TVP23C: variants seen among roughly 807,000 people sequenced by gnomAD.
The protein encoded by TVP23C is Golgi apparatus membrane protein TVP23 homolog C.
A neutral mutation model predicts 28.7 loss-of-function variants in TVP23C; 19 were observed. The ratio of observed to expected loss-of-function variants is 0.66; its 90% CI spans 0.46 to 0.97. TVP23C has a LOEUF of 0.97. TVP23C is among the 50% of genes least tolerant of loss of function. The pLI is 0.00. For missense variants in TVP23C, 186 were observed against 241.3 expected (o/e 0.77, Z 1.52); for synonymous variants, 68 against 81.7 (o/e 0.83, Z 0.90).
intron 5 of TVP23C, among the ~76,000 whole-genome samples, chr17:15,522,978 C>T (rs1254334556): frequency 6.6e-6 from 1 of 152,090 alleles, no homozygotes; most frequent in African/African-American, 2.4e-5. Context: ...AAAAAACTCC[C>T]TAAACAATGT....
At chr17:15,529,884 C>T (rs1483608749) in intron 5 of TVP23C, among the ~76,000 whole-genome samples, 3 of 152,006 alleles carry the variant, frequency 2.0e-5, no homozygotes, top group Admixed American at 6.6e-5. Context: ...CTGCAACCTC[C>T]GCCTCCTGGG....
chr17:15,503,907 G>A (rs1325290265), intron 5 of TVP23C, among the ~76,000 whole-genome samples: 1 of 152,096 alleles, frequency 6.6e-6, no homozygotes, highest in African/African-American at 2.4e-5. Context: ...CTTTTGGGAG[G>A]GGGAATGGAA....
downstream of TVP23C, among the ~76,000 whole-genome samples, chr17:15,535,838 C>T (rs1983130235): frequency 6.6e-6 from 1 of 152,184 alleles, no homozygotes; most frequent in Non-Finnish European, 1.5e-5. Flanking sequence ...CTATGAGCAA[C>T]AGAGAAGCCA....
intron 5 of TVP23C, 57 bp from the exon 6 acceptor site, chr17:15,540,618 G>A (rs1983371609): frequency 1.0e-5 from 16 of 1,571,736 alleles, no homozygotes; most frequent in Admixed American, 1.8e-5. Flanking sequence ...ACCTTTCTCT[G>A]TGCCATAAAT....
intron 5 of TVP23C, among the ~76,000 whole-genome samples, chr17:15,521,228 G>C (rs1204547206): frequency 6.6e-6 from 1 of 152,132 alleles, no homozygotes; most frequent in African/African-American, 2.4e-5. Context: ...AATCTGGCCA[G>C]GTGCGGTGGC....
At position 15,555,309 on chromosome 17, in the gene TVP23C, G is replaced by C. The variant is rs1984079204; in HGVS notation, c.68C>G (p.Thr23Ser). The C allele has an allele frequency of 1.9e-6, 3 of 1,613,928 alleles. No individual in the cohort carries two copies. The highest frequency in any genetic ancestry group is 2.5e-6 in the Non-Finnish European group (3 of 1,179,852). Residue 23 changes from threonine to serine, a missense_variant, in exon 2 of 6, where the codon ACT becomes AGT. By Grantham distance (58) the Thr-to-Ser change is moderately conservative. This residue lies in a region of TVP23C where 92 missense variants were observed against 94.3 expected (regional missense o/e 0.98). Coordinates refer to ENST00000518321, the MANE Select transcript of TVP23C (RefSeq NM_001135036.2). The part of the protein sequence containing the change: ...VSLFDAEEET[T>S]NRPRKAKIRH... ...GATTTTGGCTTTTCTTGGTCTATTA[G>C]TCGTCTCCTCTTCCGCATCAAACAG...
At position 15,538,983 on chromosome 17, in the gene TVP23C, T is replaced by G; in HGVS notation, c.*1429A>C. 2.0e-6 allele frequency: 2 copies of G among 985,768 alleles called. No individual in the cohort carries two copies. The highest frequency in any genetic ancestry group is 2.4e-6 in the Non-Finnish European group (2 of 829,870). 61.1% of individuals were successfully genotyped at this position (985,768 alleles called of 1,614,324 possible). On this transcript the variant is annotated 3_prime_UTR_variant, in exon 6 of 6. Transcript: ENST00000518321. ...ACAGTAGAATAAAAAGAACAATAAA[T>G]TTTGAGTACAGAGGGCTGGGTTTAA...
chr17:15,506,700 G>A (rs906665472), intron 5 of TVP23C, among the ~76,000 whole-genome samples: 1 of 152,112 alleles, frequency 6.6e-6, no homozygotes, highest in Non-Finnish European at 1.5e-5. Context: ...CTGAGTCAGC[G>A]AGACCACGAA....
intron 5 of TVP23C, among the ~76,000 whole-genome samples, chr17:15,521,053 TAAAG>T (rs563627360): frequency 6.6e-6 from 1 of 151,696 alleles, no homozygotes; most frequent in African/African-American, 2.4e-5. Flanking sequence ...AAACTTTACT[TAAAG>T]AAATCAAGGA....
rs1389612362 is a variant in TVP23C, at chr17:15,553,712, C to G, written c.213G>C (p.Leu71Phe). 1 of 1,611,362 alleles carries G rather than the reference C, an allele frequency of 6.2e-7. No homozygotes were observed. Among genetic ancestry groups the G allele is most frequent in the African/African-American group, 1.3e-5 (1 of 74,766 alleles). ...TCACTGCCCAAAAGTCACACGACAA[C>G]AACAAGATAATTGTAACCATACAGG... ...FITCMVTIIL[L>F]LSCDFWAVKN... Residue 71 changes from leucine (L) to phenylalanine (F), a missense_variant, in exon 3 of 6, where the codon TTG (leucine) becomes TTC (phenylalanine). Physicochemically the swap from Leu to Phe is conservative, Grantham distance 22 (BLOSUM62 0). This residue lies in a region of TVP23C where 92 missense variants were observed against 94.3 expected (regional missense o/e 0.98). Transcript: ENST00000518321.
chr17:15,502,655 CCT>C (rs1180380964), exon 6 of TVP23C: 1 of 833,414 alleles, frequency 1.2e-6, no homozygotes, highest in Non-Finnish European at 1.7e-6. Flanking sequence ...CACGCTGCTG[CCT>C]CTCTTCTGCC....
Position 15,553,759 on chromosome 17 carries a change from A to G in TVP23C, c.166T>C (p.Leu56=). ...CAGGTAATAAAGCTGCTGCTGAGCA[A>G]CTCACAGAGAAGACAGACGATGATT... The part of the protein sequence containing the change: ...SAIIVCLLCE[L]LSSSFITCMV... The change falls in exon 3 of 6, where the codon TTG becomes CTG. Residue 56 remains leucine, a synonymous_variant. Transcript: ENST00000518321. The G allele has an allele frequency of 1.2e-6, 2 of 1,614,014 alleles. No homozygotes were observed. Among genetic ancestry groups the G allele is most frequent in the South Asian group, 1.1e-5 (1 of 91,074 alleles).
At chr17:15,521,491 G>A (rs963684613) in intron 5 of TVP23C, among the ~76,000 whole-genome samples, 10 of 151,890 alleles carry the variant, frequency 6.6e-5, no homozygotes, top group Non-Finnish European at 8.8e-5. Flanking sequence ...GCAACAGAGC[G>A]AGACTCCGTC....
rs982984491 is a variant in TVP23C at position 15,538,724 on chromosome 17, T to C, written c.*1688A>G. On this transcript the variant is annotated 3_prime_UTR_variant, in exon 6 of 6. Transcript: ENST00000518321. ...CCATGTAAGACACTAACCCTATCCA[T>C]GTTATGCCAGGTTTAAGGTTTAATT... 3 of 985,332 alleles carry C rather than the reference T, an allele frequency of 3.0e-6. No homozygotes were observed. The highest frequency in any genetic ancestry group is 3.5e-5 in the African/African-American group (2 of 57,256). The allele number at this position is 985,332 out of a possible 1,614,324, so 61.0% of individuals were successfully genotyped here. A position where few individuals can be genotyped will look rare whatever the true frequency, so the allele number is the denominator to read the frequency against.
At chr17:15,512,364 C>T (rs1028850795) in intron 5 of TVP23C, among the ~76,000 whole-genome samples, 4 of 152,128 alleles carry the variant, frequency 2.6e-5, no homozygotes, top group Non-Finnish European at 5.9e-5. Context: ...GATCTAAAGT[C>T]CTTCTGGCAA....
At chr17:15,505,466 G>A (rs1981681196) in intron 5 of TVP23C, among the ~76,000 whole-genome samples, 1 of 152,212 alleles carries the variant, frequency 6.6e-6, no homozygotes, top group African/African-American at 2.4e-5. Flanking sequence ...TATAACTCAA[G>A]AAAGTCTTGG....
At chr17:15,543,701 A>G (rs958314419) in intron 5 of TVP23C, among the ~76,000 whole-genome samples, 12 of 150,958 alleles carry the variant, frequency 7.9e-5, no homozygotes, top group African/African-American at 2.7e-4. Flanking sequence ...CTGTTTATCT[A>G]CCTTCCACTA....
intron 5 of TVP23C, among the ~76,000 whole-genome samples, chr17:15,525,477 T>C (rs71367506): frequency 0.26 from 39,190 of 151,872 alleles, 5,685 homozygotes; most frequent in African/African-American, 0.4. Flanking sequence ...TGTGTGGGAA[T>C]GTCTCAGCCA....
intron 5 of TVP23C, among the ~76,000 whole-genome samples, chr17:15,510,714 A>G (rs1283180462): frequency 6.6e-6 from 1 of 152,176 alleles, no homozygotes; most frequent in Non-Finnish European, 1.5e-5. Context: ...ATATTCATAT[A>G]TTTTCTTAAA....
Sources: allele counts gnomAD v4.1 joint callset (sites outside exome capture counted in the v4.1 genomes callset), GRCh38; gene constraint gnomAD v4.1.1; regional missense constraint gnomAD v4.1.1; transcripts MANE v1.5; gene names NCBI Gene and HGNC (gene_info 2026-07-23, HGNC 2026-07-21).